Variants in CADM1 observed in about 807,000 individuals in gnomAD.
The protein encoded by CADM1 is TSLC-1.
A neutral mutation model predicts 53.1 loss-of-function variants in CADM1; 15 were observed. The observed-to-expected ratio is 0.28, with a 90% CI of 0.19 to 0.44. The LOEUF is 0.44. CADM1 is among the 20% of genes least tolerant of loss of function. CADM1 has a pLI of 1.00. For synonymous variants in CADM1, 281 were observed against 243.0 expected, an observed-to-expected ratio of 1.16 and a Z score of -1.45; for missense variants, 434 against 611.3, an observed-to-expected ratio of 0.71 and a Z score of 3.06.
intron 1 of CADM1, among the ~76,000 whole-genome samples, chr11:115,435,706 G>A (rs1948169031): frequency 6.6e-6 from 1 of 152,134 alleles, no homozygotes; most frequent in Non-Finnish European, 1.5e-5. Context: ...ACTCTAGCCT[G>A]GGCCATAGAG....
At chr11:115,452,251 G>A (rs1431662989) in intron 1 of CADM1, among the ~76,000 whole-genome samples, 1 of 152,142 alleles carries the variant, frequency 6.6e-6, no homozygotes, top group African/African-American at 2.4e-5. Context: ...ACACCCACTT[G>A]TTCAGATGAC....
intron 6 of CADM1, among the ~76,000 whole-genome samples, chr11:115,216,453 C>T (rs188235986): frequency 5.9e-5 from 9 of 152,254 alleles, no homozygotes; most frequent in East Asian, 1.9e-4. Context: ...GTATTGCAAG[C>T]GGCAAGAGGC....
At chr11:115,259,409 G>A (rs1490926156) in intron 1 of CADM1, among the ~76,000 whole-genome samples, 2 of 136,490 alleles carry the variant, frequency 1.5e-5, no homozygotes, top group Non-Finnish European at 3.0e-5. Context: ...AGGTTTAAGT[G>A]ATCCTCTTGC....
intron 1 of CADM1, chr11:115,340,354 T>C (rs1351313950): frequency 6.6e-6 from 1 of 151,958 alleles, no homozygotes; most frequent in Non-Finnish European, 1.5e-5. Context: ...AGCTCTATTG[T>C]TCCTTTAAGG....
chr11:115,310,512 A>C (rs568377634), intron 1 of CADM1, among the ~76,000 whole-genome samples: 31 of 152,228 alleles, frequency 2.0e-4, no homozygotes, highest in African/African-American at 7.0e-4. Context: ...GGTGGAGAAA[A>C]GATAACAAAG....
At chr11:115,247,101 T>C (rs1049615519) in intron 1 of CADM1, among the ~76,000 whole-genome samples, 2 of 152,242 alleles carry the variant, frequency 1.3e-5, no homozygotes, top group Non-Finnish European at 2.9e-5. Context: ...CTTAAACACA[T>C]ACTATAGGTA....
chr11:115,233,556 C>T (rs1268375947), intron 3 of CADM1, among the ~76,000 whole-genome samples: 8 of 151,836 alleles, frequency 5.3e-5, no homozygotes, highest in South Asian at 4.2e-4. Flanking sequence ...ATTCTGAGTG[C>T]AGTATTATAG....
chr11:115,278,960 C>T (rs768548477), intron 1 of CADM1, among the ~76,000 whole-genome samples: 2 of 152,208 alleles, frequency 1.3e-5, no homozygotes, highest in Non-Finnish European at 2.9e-5. Flanking sequence ...GCCTGGAGGA[C>T]GTGGGCAGGG....
At chr11:115,311,880 CACCAAT>C (rs1944541280) in intron 1 of CADM1, among the ~76,000 whole-genome samples, 2 of 152,136 alleles carry the variant, frequency 1.3e-5, no homozygotes, top group Admixed American at 1.3e-4. Context: ...ATCCAGAAAT[CACCAAT>C]ACCAACTTAT....
intron 1 of CADM1, among the ~76,000 whole-genome samples, chr11:115,338,876 TATTTTTTTTTTTTTA>T (rs1945339020): frequency 1.2e-5 from 1 of 84,444 alleles, no homozygotes; most frequent in Non-Finnish European, 2.5e-5. Flanking sequence ...TTATTTTTTT[TATTTTTTTTTTTTTA>T]ATTTTTTTTT....
chr11:115,243,113 A>C (rs182703585), intron 1 of CADM1, among the ~76,000 whole-genome samples: 1 of 152,228 alleles, frequency 6.6e-6, no homozygotes, highest in African/African-American at 2.4e-5. Context: ...ATTGAGTACT[A>C]TAAGGCCAGA....
chr11:115,462,556 A>G (rs908804880), intron 1 of CADM1, among the ~76,000 whole-genome samples: 93 of 152,362 alleles, frequency 6.1e-4, no homozygotes, highest in African/African-American at 2.2e-3. Flanking sequence ...GAATTAAAAC[A>G]GATAACACCA....
At position 115,169,642 on chromosome 11, in the gene CADM1, G is replaced by C. The variant is rs766115119; in HGVS notation, c.*6832C>G. 21 of 456,350 alleles carry C rather than the reference G, an allele frequency of 4.6e-5. No homozygotes were observed. Among genetic ancestry groups the C allele is most frequent in the Admixed American group, 1.2e-4 (5 of 42,514 alleles). The allele number at this position is 456,350 out of a possible 1,614,324, so 28.3% of individuals were successfully genotyped here. ...GAAAACAGGCCTAGAGAGAGGGAGAGAAAGAGAAAGAGAGAGAGATGGATA... is the reference window on the plus strand; with the variant it reads ...GAAAACAGGCCTAGAGAGAGGGAGACAAAGAGAAAGAGAGAGAGATGGATA... On this transcript the variant is annotated 3_prime_UTR_variant, in exon 12 of 12. Transcript: ENST00000331581.
intron 1 of CADM1, among the ~76,000 whole-genome samples, chr11:115,297,220 G>C (rs917452377): frequency 1.3e-5 from 2 of 152,174 alleles, no homozygotes; most frequent in African/African-American, 4.8e-5. Context: ...TTTGCTTTGT[G>C]GGAAATTTTG....
chr11:115,224,681 T>A (rs1479587619), intron 5 of CADM1, among the ~76,000 whole-genome samples: 1 of 152,214 alleles, frequency 6.6e-6, no homozygotes, highest in African/African-American at 2.4e-5. Flanking sequence ...CAAAGCAATC[T>A]GAATTCCATA....
intron 1 of CADM1, among the ~76,000 whole-genome samples, chr11:115,421,703 C>T (rs1591214141): frequency 6.6e-6 from 1 of 152,138 alleles, no homozygotes; most frequent in African/African-American, 2.4e-5. Context: ...AAAGCTAATT[C>T]TAAAAATATG....
chr11:115,366,133 T>C (rs1346401227), intron 1 of CADM1, among the ~76,000 whole-genome samples: 4 of 152,224 alleles, frequency 2.6e-5, no homozygotes, highest in African/African-American at 4.8e-5. Context: ...CTTGCACAGA[T>C]AGCACTGGCA....
chr11:115,413,644 C>CTTTTTTTTTTTTTTTTTT lies in CADM1; in HGVS notation c.124+90626_124+90627insAAAAAAAAAAAAAAAAAA, dbSNP rs71066424. Among the ~76,000 whole-genome samples, 497 of 120,732 alleles carry CTTTTTTTTTTTTTTTTTT rather than the reference C, an allele frequency of 4.1e-3. 39 individuals are homozygous for CTTTTTTTTTTTTTTTTTT. The highest frequency in any genetic ancestry group is 4.8e-3 in the African/African-American group (164 of 33,904). The allele number at this position is 120,732 out of a possible 152,430, so 79.2% of individuals were successfully genotyped here. ...CAGGGAGTGTGGCTCCAGCTCAGTTCTTTTTTTTTTTTTTCTCTGAGACAG... is the reference window on the plus strand; with the variant it reads ...CAGGGAGTGTGGCTCCAGCTCAGTTCTTTTTTTTTTTTTTTTTTTTTTTTTTTTTTTTCTCTGAGACAG... On this transcript the variant is annotated intron_variant, in intron 1 of 11. Transcript: ENST00000331581.
intron 1 of CADM1, among the ~76,000 whole-genome samples, chr11:115,342,972 T>C (rs529056694): frequency 1.3e-5 from 2 of 152,294 alleles, no homozygotes; most frequent in East Asian, 1.9e-4. Flanking sequence ...GAACTTACCC[T>C]AAGGAAACAT....
Sources: allele counts gnomAD v4.1 joint callset (sites outside exome capture counted in the v4.1 genomes callset), GRCh38; gene constraint gnomAD v4.1.1; transcripts MANE v1.5; gene names NCBI Gene and HGNC (gene_info 2026-07-23, HGNC 2026-07-21).